RBBP8: variants seen among roughly 807,000 people sequenced by gnomAD.
RBBP8 encodes RB binding protein 8, endonuclease, also known as DNA endonuclease RBBP8.
A neutral mutation model predicts 108.3 loss-of-function variants in RBBP8; 88 were observed. The ratio of observed to expected loss-of-function variants is 0.81; its 90% CI spans 0.68 to 0.97. The LOEUF is 0.97. Ranked by LOEUF, RBBP8 falls within the 50% of genes least tolerant of loss-of-function variation. The pLI is 0.00. For missense variants in RBBP8, 1,023 were observed against 1,049.0 expected (o/e 0.98, Z 0.34); for synonymous variants, 332 against 348.2 (o/e 0.95, Z 0.52).
At chr18:22,963,607 C>T (rs1598671603) in intron 4 of RBBP8, among the ~76,000 whole-genome samples, 2 of 152,168 alleles carry the variant, frequency 1.3e-5, no homozygotes, top group Non-Finnish European at 2.9e-5. Flanking sequence ...TTACCTGCTA[C>T]GTAGTGGTCA....
At chr18:22,998,767 G>A (rs1320667141) in intron 14 of RBBP8, among the ~76,000 whole-genome samples, 1 of 152,218 alleles carries the variant, frequency 6.6e-6, no homozygotes, top group Non-Finnish European at 1.5e-5. Flanking sequence ...CTTAAATGCA[G>A]TAAATCAAAG....
chr18:22,966,717 A>ACC (rs1913630081), intron 4 of RBBP8, among the ~76,000 whole-genome samples: 3 of 135,914 alleles, frequency 2.2e-5, no homozygotes. Context: ...AATACTTACT[A>ACC]TCTTTTTTTT....
intron 2 of RBBP8, among the ~76,000 whole-genome samples, chr18:22,941,057 G>A (rs994637963): frequency 6.6e-6 from 1 of 152,014 alleles, no homozygotes; most frequent in Non-Finnish European, 1.5e-5. Flanking sequence ...ACTGTAAATA[G>A]AATTGTTTTT....
At chr18:22,976,489 A>G (rs534419855) in intron 6 of RBBP8, among the ~76,000 whole-genome samples, 1 of 152,244 alleles carries the variant, frequency 6.6e-6, no homozygotes, top group African/African-American at 2.4e-5. Flanking sequence ...AATGCTGTTT[A>G]TAGTCTTTAT....
chr18:22,956,557 G>C (rs1420424065), intron 4 of RBBP8, among the ~76,000 whole-genome samples: 1 of 152,074 alleles, frequency 6.6e-6, no homozygotes, highest in African/African-American at 2.4e-5. Context: ...GGCTGGTCTT[G>C]AACTCCTGGC....
intron 4 of RBBP8, among the ~76,000 whole-genome samples, chr18:22,956,338 G>A (rs940856734): frequency 1.3e-5 from 2 of 151,350 alleles, no homozygotes; most frequent in African/African-American, 4.9e-5. Flanking sequence ...TTTTTGTTTT[G>A]TTTTGTTTTG....
chr18:22,997,815 A>C, intron 14 of RBBP8, 81 bp downstream of exon 14: 16 of 933,094 alleles, frequency 1.7e-5, no homozygotes, highest in Non-Finnish European at 2.6e-5. Flanking sequence ...TGATTAGCTC[A>C]AGTGACCTCT....
chr18:22,957,367 C>T (rs1912670652), intron 4 of RBBP8, among the ~76,000 whole-genome samples: 1 of 126,344 alleles, frequency 7.9e-6, no homozygotes, highest in Non-Finnish European at 1.6e-5. Context: ...TTACCTTCAT[C>T]TCTGTTGTAT....
chr18:22,971,348 T>C (rs1158361221), intron 5 of RBBP8, among the ~76,000 whole-genome samples: 1 of 151,518 alleles, frequency 6.6e-6, no homozygotes, highest in African/African-American at 2.4e-5. Flanking sequence ...GTCTTTTCTT[T>C]CAATTATTTT....
intron 4 of RBBP8, among the ~76,000 whole-genome samples, chr18:22,967,393 G>A (rs975545061): frequency 2.7e-5 from 4 of 150,568 alleles, no homozygotes; most frequent in African/African-American, 4.9e-5. Flanking sequence ...AATTATCTTC[G>A]AATTTATTTC....
At chr18:22,967,148 C>T (rs778004642) in intron 4 of RBBP8, among the ~76,000 whole-genome samples, 14 of 152,092 alleles carry the variant, frequency 9.2e-5, no homozygotes, top group Non-Finnish European at 1.8e-4. Flanking sequence ...AAGCGGATCA[C>T]GAGGTTGGGA....
At chr18:22,957,291 C>CTTTTTTTTTT (rs11418623) in intron 4 of RBBP8, among the ~76,000 whole-genome samples, 12 of 92,832 alleles carry the variant, frequency 1.3e-4, no homozygotes, top group East Asian at 3.4e-4. Context: ...ATTACTTTTT[C>CTTTTTTTTTT]TTTTTTTTTT....
chr18:22,941,973 G>A (rs1228072114), intron 2 of RBBP8, among the ~76,000 whole-genome samples: 1 of 152,058 alleles, frequency 6.6e-6, no homozygotes, highest in Non-Finnish European at 1.5e-5. Context: ...TTTGGTTTGG[G>A]CCATGCCTTC....
chr18:22,954,402 C>T (rs1259419644), intron 4 of RBBP8, among the ~76,000 whole-genome samples: 1 of 152,194 alleles, frequency 6.6e-6, no homozygotes, highest in Non-Finnish European at 1.5e-5. Flanking sequence ...CATGCAAATC[C>T]AAAATCCAGC....
At chr18:22,982,444 A>G (rs746449493) in intron 7 of RBBP8, 51 bp downstream of exon 7, 3 of 1,609,734 alleles carry the variant, frequency 1.9e-6, no homozygotes, top group East Asian at 2.2e-5. Flanking sequence ...ACCAGTGTTC[A>G]TCTACTAGTT....
chr18:22,995,730 A>G (rs1159069052), intron 12 of RBBP8, among the ~76,000 whole-genome samples: 1 of 152,252 alleles, frequency 6.6e-6, no homozygotes, highest in East Asian at 1.9e-4. Flanking sequence ...GCATATATCA[A>G]TATTTTATTT....
intron 4 of RBBP8, among the ~76,000 whole-genome samples, chr18:22,950,526 G>A (rs547427549): frequency 8.6e-4 from 129 of 150,620 alleles, no homozygotes; most frequent in African/African-American, 2.9e-3. Context: ...AGCTATGATC[G>A]CACTGCTGCG....
At chr18:23,022,668 T>TAAATAAAATAAAATAAATA (rs1175474463) in intron 18 of RBBP8, among the ~76,000 whole-genome samples, 1 of 136,030 alleles carries the variant, frequency 7.4e-6, no homozygotes, top group African/African-American at 2.9e-5. Flanking sequence ...TAAAATAAAA[T>TAAATAAAATAAAATAAATA]AAATAACTGT....
chr18:22,963,538 C>G (rs981782888), intron 4 of RBBP8, among the ~76,000 whole-genome samples: 2 of 152,116 alleles, frequency 1.3e-5, no homozygotes, highest in African/African-American at 2.4e-5. Flanking sequence ...GTCATTTCAC[C>G]TTTTCAAACA....
Sources: gnomAD v4.1 joint callset for allele counts (sites outside exome capture counted in the v4.1 genomes callset) on GRCh38, gnomAD v4.1.1 for gene constraint, MANE v1.5 for transcripts, NCBI Gene and HGNC (gene_info 2026-07-23, HGNC 2026-07-21) for gene names.